EXOC4: variants seen among roughly 807,000 people sequenced by gnomAD.
EXOC4 encodes SEC8-like 1.
In EXOC4, 71 loss-of-function variants were observed where a neutral mutation model predicts 107.2. That is an observed-to-expected ratio of 0.66 (90% confidence interval 0.55 to 0.81). EXOC4 has a LOEUF of 0.81. EXOC4 is among the 30% of genes least tolerant of loss of function. The probability of loss-of-function intolerance (pLI) is 0.00; values close to 1 mark genes in which losing one functional copy is unlikely to be tolerated. For synonymous variants in EXOC4, 456 were observed against 441.2 expected (o/e 1.03, Z -0.42); for missense variants, 1,108 against 1,189.6 (o/e 0.93, Z 1.01).
intron 11 of EXOC4, among the ~76,000 whole-genome samples, chr7:133,885,041 C>T (rs1047127277): frequency 2.0e-5 from 3 of 152,090 alleles, no homozygotes; most frequent in African/African-American, 4.8e-5. Flanking sequence ...AGTGGCCAGG[C>T]GCAGTGGCTC....
chr7:133,416,352 A>G (rs1198391024), intron 7 of EXOC4, among the ~76,000 whole-genome samples: 1 of 152,206 alleles, frequency 6.6e-6, no homozygotes, highest in Admixed American at 6.5e-5. Context: ...GTTCTGATTT[A>G]GATACCTAGA....
chr7:134,044,849 C>A (rs1418732846), intron 17 of EXOC4, among the ~76,000 whole-genome samples: 1 of 152,218 alleles, frequency 6.6e-6, no homozygotes, highest in African/African-American at 2.4e-5. Flanking sequence ...GATGAGTCAA[C>A]ATTTTTGTCT....
intron 10 of EXOC4, among the ~76,000 whole-genome samples, chr7:133,657,118 A>G (rs571824108): frequency 3.9e-5 from 6 of 152,300 alleles, no homozygotes. Flanking sequence ...TGCTAAATGC[A>G]TGGTGACAGT....
intron 10 of EXOC4, among the ~76,000 whole-genome samples, chr7:133,731,106 A>G (rs1795317024): frequency 6.6e-6 from 1 of 152,156 alleles, no homozygotes; most frequent in South Asian, 2.1e-4. Flanking sequence ...ACCCTAATTT[A>G]TGTTTTGCAC....
chr7:133,833,541 C>A (rs1225261320), intron 11 of EXOC4, among the ~76,000 whole-genome samples: 3 of 152,122 alleles, frequency 2.0e-5, no homozygotes, highest in Non-Finnish European at 4.4e-5. Flanking sequence ...CCTCTTGCTT[C>A]CAGCTTGCAC....
At chr7:134,039,784 C>T (rs1047482060) in intron 17 of EXOC4, among the ~76,000 whole-genome samples, 7 of 152,210 alleles carry the variant, frequency 4.6e-5, no homozygotes, top group Admixed American at 3.3e-4. Flanking sequence ...ATAGCATTCT[C>T]ATTCAGGAGG....
intron 8 of EXOC4, among the ~76,000 whole-genome samples, chr7:133,478,764 GTTTA>G (rs908156701): frequency 2.6e-5 from 4 of 152,064 alleles, no homozygotes; most frequent in East Asian, 1.9e-4. Context: ...TTGCTTAAGA[GTTTA>G]TTTATTTTTT....
intron 10 of EXOC4, among the ~76,000 whole-genome samples, chr7:133,755,255 A>ATAT (rs1795882217): frequency 6.0e-5 from 6 of 100,432 alleles, no homozygotes; most frequent in African/African-American, 1.4e-4. Context: ...TATATATATT[A>ATAT]TATATATATT....
chr7:133,365,709 G>A (rs1170606882), intron 6 of EXOC4, among the ~76,000 whole-genome samples: 1 of 152,050 alleles, frequency 6.6e-6, no homozygotes, highest in Non-Finnish European at 1.5e-5. Flanking sequence ...TTAGAAGTAG[G>A]TATTAGATAA....
intron 14 of EXOC4, among the ~76,000 whole-genome samples, chr7:133,969,862 G>T (rs1334047528): frequency 1.3e-5 from 2 of 152,154 alleles, no homozygotes; most frequent in Non-Finnish European, 2.9e-5. Context: ...CAGAGCTTGA[G>T]TGCTGTGCTG....
At chr7:133,767,654 A>G (rs552065241) in intron 10 of EXOC4, among the ~76,000 whole-genome samples, 1 of 152,122 alleles carries the variant, frequency 6.6e-6, no homozygotes, top group East Asian at 1.9e-4. Flanking sequence ...AACATATGAA[A>G]CTTATGTGAA....
chr7:133,639,947 A>G (rs1802811795), intron 10 of EXOC4, among the ~76,000 whole-genome samples: 1 of 152,160 alleles, frequency 6.6e-6, no homozygotes, highest in South Asian at 2.1e-4. Flanking sequence ...GTGAAGGAAT[A>G]TGGAAGTATG....
intron 10 of EXOC4, among the ~76,000 whole-genome samples, chr7:133,735,720 A>G (rs138592228): frequency 4.9e-4 from 74 of 152,110 alleles, no homozygotes; most frequent in African/African-American, 1.6e-3. Flanking sequence ...TTGATTATAA[A>G]TTCTCCAAAT....
At chr7:133,520,885 A>C (rs539837305) in intron 9 of EXOC4, among the ~76,000 whole-genome samples, 1 of 152,126 alleles carries the variant, frequency 6.6e-6, no homozygotes, top group Non-Finnish European at 1.5e-5. Flanking sequence ...CTGTTTTGCT[A>C]TAAAAATCAA....
At position 133,709,546 on chromosome 7, in the gene EXOC4, A is replaced by T. The variant is rs576436550; in HGVS notation, c.1514+79405A>T. On this transcript the variant is annotated intron_variant, in intron 10 of 17. Coordinates refer to ENST00000253861, the MANE Select transcript of EXOC4 (RefSeq NM_021807.4). ...TAATGTGGATTTGGCCAGACCTCAG[A>T]CTACATAGCTGGAAGATTATGTCTA... 7.9e-5 allele frequency among the ~76,000 whole-genome samples: 12 copies of T among 152,286 alleles called. No homozygotes were observed. In the South Asian group the frequency reaches 2.5e-3, roughly 32 times the overall value.
intron 13 of EXOC4, among the ~76,000 whole-genome samples, chr7:133,920,968 C>A (rs998900816): frequency 6.6e-6 from 1 of 152,122 alleles, no homozygotes; most frequent in Non-Finnish European, 1.5e-5. Context: ...TGCAGAGAAA[C>A]AGACCTAATA....
intron 9 of EXOC4, among the ~76,000 whole-genome samples, chr7:133,570,441 T>C (rs900037338): frequency 2.0e-5 from 3 of 152,230 alleles, no homozygotes; most frequent in Admixed American, 2.0e-4. Context: ...TTTCAGCACA[T>C]GTCGTGCTCT....
intron 11 of EXOC4, among the ~76,000 whole-genome samples, chr7:133,819,634 T>G (rs1366096317): frequency 1.3e-5 from 2 of 152,226 alleles, no homozygotes; most frequent in African/African-American, 4.8e-5. Context: ...ATGTGTTGTC[T>G]GACCATATCA....
intron 11 of EXOC4, among the ~76,000 whole-genome samples, chr7:133,841,870 T>C (rs147413330): frequency 6.6e-6 from 1 of 152,328 alleles, no homozygotes; most frequent in East Asian, 1.9e-4. Flanking sequence ...TGTGTTCATA[T>C]GTGCTCCATG....
Sources: allele counts gnomAD v4.1 joint callset (sites outside exome capture counted in the v4.1 genomes callset), GRCh38; gene constraint gnomAD v4.1.1; transcripts MANE v1.5; gene names NCBI Gene and HGNC (gene_info 2026-07-23, HGNC 2026-07-21).